ERG: variants seen among roughly 807,000 people sequenced by gnomAD.
The protein encoded by ERG is transcriptional regulator ERG.
ERG carries 9 observed loss-of-function variants against 55.3 expected under a neutral mutation model. The observed-to-expected ratio is 0.16, with a 90% CI of 0.10 to 0.28. The LOEUF (loss-of-function observed/expected upper bound fraction) is 0.28. ERG is among the 10% of genes least tolerant of loss of function. The pLI is 1.00. For synonymous variants in ERG, 223 were observed against 237.3 expected (o/e 0.94, Z 0.55); for missense variants, 434 against 631.6 (o/e 0.69, Z 3.35).
chr21:38,543,911 A>G (rs917472846), intron 2 of ERG, among the ~76,000 whole-genome samples: 2 of 151,866 alleles, frequency 1.3e-5, no homozygotes, highest in African/African-American at 4.8e-5. Context: ...TAATTTTTAT[A>G]TTTTTAGTAG....
intron 2 of ERG, among the ~76,000 whole-genome samples, chr21:38,436,296 T>A (rs1235623824): frequency 1.3e-5 from 2 of 152,144 alleles, no homozygotes; most frequent in Non-Finnish European, 2.9e-5. Context: ...GAGGTTAATG[T>A]AAAGGTGAGT....
intron 2 of ERG, among the ~76,000 whole-genome samples, chr21:38,572,895 C>T (rs930077357): frequency 2.6e-5 from 4 of 152,128 alleles, no homozygotes; most frequent in African/African-American, 9.7e-5. Context: ...GTTACTGTGT[C>T]TATGTAGAAA....
chr21:38,647,442 A>C (rs1050212774), intron 1 of ERG, among the ~76,000 whole-genome samples: 9 of 152,248 alleles, frequency 5.9e-5, no homozygotes, highest in Admixed American at 3.3e-4. Context: ...TAAAGCACAG[A>C]TATACCTAAA....
chr21:38,396,973 T>C (rs752857380), intron 6 of ERG, among the ~76,000 whole-genome samples: 13 of 152,186 alleles, frequency 8.5e-5, no homozygotes, highest in Non-Finnish European at 1.8e-4. Context: ...GATATGCCTA[T>C]GGGTTGATAC....
At chr21:38,556,731 G>T (rs576153529) in intron 2 of ERG, among the ~76,000 whole-genome samples, 2 of 152,254 alleles carry the variant, frequency 1.3e-5, no homozygotes, top group African/African-American at 2.4e-5. Context: ...AGAGTGGGGG[G>T]AAGGCTAGGT....
At chr21:38,500,240 T>C (rs1021566562), upstream of ERG, among the ~76,000 whole-genome samples, 2 of 152,210 alleles carry the variant, frequency 1.3e-5, no homozygotes, top group African/African-American at 4.8e-5. Context: ...ACACCAGCTT[T>C]AAATAAGATG....
intron 2 of ERG, among the ~76,000 whole-genome samples, chr21:38,507,226 G>C (rs2059469242): frequency 6.6e-6 from 1 of 152,324 alleles, no homozygotes; most frequent in African/African-American, 2.4e-5. Context: ...ACTGGCGCGC[G>C]CTGGAGGCGG....
intron 2 of ERG, among the ~76,000 whole-genome samples, chr21:38,530,207 A>C (rs1423360551): frequency 6.6e-6 from 1 of 151,914 alleles, no homozygotes; most frequent in East Asian, 2.0e-4. Context: ...CTATAGGCGC[A>C]CACCACCATG....
intron 1 of ERG, among the ~76,000 whole-genome samples, chr21:38,593,582 T>C (rs2060114184): frequency 6.6e-6 from 1 of 152,284 alleles, no homozygotes; most frequent in South Asian, 2.1e-4. Context: ...AGCAAATGCA[T>C]AGACAACCAT....
chr21:38,418,843 C>T lies in ERG; in HGVS notation c.388+4567G>A, dbSNP rs181875460. On this transcript the variant is annotated intron_variant, in intron 3 of 9. Coordinates refer to ENST00000288319, the MANE Select transcript of ERG (RefSeq NM_182918.4). ...TCAGGAGGCTGAGGCAGGAGAATCA[C>T]TTGAACCTGGGAGGCAGAGGTTGCA... Among the ~76,000 whole-genome samples the T allele has an allele frequency of 6.6e-4, 96 of 146,484 alleles. No individual in the cohort carries two copies. In the East Asian group the frequency reaches 0.017, roughly 25 times the overall value.
chr21:38,502,827 T>C (rs534377038), upstream of ERG, among the ~76,000 whole-genome samples: 10 of 151,628 alleles, frequency 6.6e-5, no homozygotes, highest in South Asian at 2.1e-3. Flanking sequence ...CCTGGGCTCA[T>C]GCCATTCTCC....
In ERG at chr21:38,380,923, T is replaced by C; in HGVS notation, c.*2480A>G. On this transcript the variant is annotated 3_prime_UTR_variant, in exon 10 of 10. Coordinates refer to ENST00000288319, the MANE Select transcript of ERG (RefSeq NM_182918.4). Reference sequence around the variant, plus strand: ...AATGTAGGTGTGTCTTGACTTTGCATTCCAAAATAAAAATGACTGATCTTT... The same window carrying C: ...AATGTAGGTGTGTCTTGACTTTGCACTCCAAAATAAAAATGACTGATCTTT... 3.8e-6 allele frequency: 4 copies of C among 1,065,350 alleles called. No individual in the cohort carries two copies. Among genetic ancestry groups the C allele is most frequent in the Non-Finnish European group, 4.5e-6 (4 of 879,286 alleles). The allele number at this position is 1,065,350 out of a possible 1,614,324, so 66.0% of individuals were successfully genotyped here. A position where few individuals can be genotyped will look rare whatever the true frequency, so the allele number is the denominator to read the frequency against.
intron 1 of ERG, among the ~76,000 whole-genome samples, chr21:38,494,590 TG>T (rs1264695188): frequency 6.6e-6 from 1 of 152,256 alleles, no homozygotes; most frequent in Non-Finnish European, 1.5e-5. Flanking sequence ...TTTCAAGAGT[TG>T]TTAACCTGTG....
intron 2 of ERG, among the ~76,000 whole-genome samples, chr21:38,531,836 C>T (rs558817157): frequency 7.2e-5 from 11 of 152,204 alleles, no homozygotes; most frequent in Admixed American, 2.0e-4. Context: ...CAGGGCTTGG[C>T]GAGCTCCAGG....
chr21:38,461,553 G>T (rs138594242), intron 1 of ERG, among the ~76,000 whole-genome samples: 1 of 152,256 alleles, frequency 6.6e-6, no homozygotes, highest in Non-Finnish European at 1.5e-5. Flanking sequence ...ATGCTCTGTA[G>T]GTCAGTGATT....
chr21:38,614,602 A>T (rs1011403596), intron 1 of ERG, among the ~76,000 whole-genome samples: 17 of 152,178 alleles, frequency 1.1e-4, no homozygotes, highest in African/African-American at 4.1e-4. Flanking sequence ...TGCAGATGAA[A>T]CTACCTGCAA....
chr21:38,521,963 AATTTT>A (rs2059598157), intron 2 of ERG, among the ~76,000 whole-genome samples: 1 of 152,182 alleles, frequency 6.6e-6, no homozygotes, highest in African/African-American at 2.4e-5. Context: ...TCTCTTGGTA[AATTTT>A]ATAATTATTC....
In ERG at chr21:38,498,027, G is replaced by A. The variant is rs965283384; in HGVS notation, c.18+336C>T. Among the ~76,000 whole-genome samples, 1 of 152,180 alleles carries A rather than the reference G, an allele frequency of 6.6e-6. No individual in the cohort carries two copies. The highest frequency in any genetic ancestry group is 1.5e-5 in the Non-Finnish European group (1 of 68,038). On this transcript the variant is annotated intron_variant, in intron 1 of 9. Coordinates refer to ENST00000288319, the MANE Select transcript of ERG (RefSeq NM_182918.4). The surrounding 1 kb of genome is among the most constrained non-coding windows in gnomAD (Gnocchi z 4.6). ...ACCCTTCAACCTCTCCGAGTCTGCT[G>A]CCTTTTCTCAGACACACATCCAGGC...
chr21:38,466,302 T>G (rs76746795), intron 1 of ERG, among the ~76,000 whole-genome samples: 42 of 137,340 alleles, frequency 3.1e-4, no homozygotes, highest in East Asian at 2.3e-3. Flanking sequence ...TGGTCTGGGG[T>G]GTGTGTGTGT....
Sources: gnomAD v4.1 joint callset for allele counts (sites outside exome capture counted in the v4.1 genomes callset) on GRCh38, gnomAD v4.1.1 for gene constraint, Gnocchi (gnomAD v3.1) non-coding constraint, MANE v1.5 for transcripts, NCBI Gene and HGNC (gene_info 2026-07-23, HGNC 2026-07-21) for gene names.